Variants in CTNNA1 observed in about 807,000 individuals in gnomAD.
CTNNA1 encodes the protein catenin alpha 1.
CTNNA1 carries 37 observed loss-of-function variants against 98.4 expected under a neutral mutation model. The ratio of observed to expected loss-of-function variants is 0.38; its 90% CI spans 0.29 to 0.49. CTNNA1 has a LOEUF of 0.49. Ranked by LOEUF, CTNNA1 falls within the 20% of genes least tolerant of loss-of-function variation. The pLI is 0.95. For missense variants in CTNNA1, 761 were observed against 1,147.2 expected (o/e 0.66, Z 4.86); for synonymous variants, 404 against 413.2 (o/e 0.98, Z 0.27).
chr5:138,920,651 G>A (rs1561745157), intron 11 of CTNNA1, among the ~76,000 whole-genome samples: 1 of 152,362 alleles, frequency 6.6e-6, no homozygotes, highest in East Asian at 1.9e-4. Flanking sequence ...TTGGTACAGA[G>A]TGAGAGGTTT....
chr5:138,816,570 A>G (rs747745537), intron 5 of CTNNA1, among the ~76,000 whole-genome samples: 1 of 152,082 alleles, frequency 6.6e-6, no homozygotes, highest in Admixed American at 6.6e-5. Context: ...TAGCCATTCT[A>G]ATTAGAATGA....
intron 10 of CTNNA1, 78 bp downstream of exon 10, chr5:138,904,519 A>G: frequency 6.5e-7 from 1 of 1,545,990 alleles, no homozygotes; most frequent in Non-Finnish European, 8.8e-7. Flanking sequence ...TATTTTGTTA[A>G]GTTTTGTTTT....
At chr5:138,932,777 T>C (rs1765646080) in intron 17 of CTNNA1, 65 bp downstream of exon 17, 10 of 1,585,480 alleles carry the variant, frequency 6.3e-6, no homozygotes, top group Non-Finnish European at 7.8e-6. Context: ...GAAATGAAAG[T>C]CACCTCCTAT....
At chr5:138,796,531 G>A (rs1453352280) in intron 3 of CTNNA1, among the ~76,000 whole-genome samples, 1 of 133,448 alleles carries the variant, frequency 7.5e-6, no homozygotes, top group Non-Finnish European at 1.6e-5. Context: ...GCGACTGAGC[G>A]AGACTCCGTC....
At chr5:138,875,714 C>G in intron 7 of CTNNA1, 1 of 985,372 alleles carries the variant, frequency 1.0e-6, no homozygotes. Flanking sequence ...TTATGAAGTG[C>G]TGATTTAACA....
intron 9 of CTNNA1, among the ~76,000 whole-genome samples, chr5:138,898,833 A>G (rs1423484986): frequency 6.6e-6 from 1 of 152,126 alleles, no homozygotes; most frequent in Non-Finnish European, 1.5e-5. Flanking sequence ...TTTATCTTGC[A>G]TGTCTCTTAA....
chr5:138,886,355 TC>T, intron 8 of CTNNA1, 63 bp downstream of exon 8: 1 of 1,503,680 alleles, frequency 6.7e-7, no homozygotes, highest in Non-Finnish European at 9.0e-7. Flanking sequence ...TTGATTAAAA[TC>T]CTAATAAGCA....
chr5:138,770,284 C>T (rs961999644), intron 1 of CTNNA1, among the ~76,000 whole-genome samples: 2 of 152,132 alleles, frequency 1.3e-5, no homozygotes, highest in Non-Finnish European at 2.9e-5. Flanking sequence ...TTAGACTAGT[C>T]ATTCAGTCTC....
chr5:138,935,022 TG>T lies in CTNNA1; in HGVS notation c.*934del, dbSNP rs1289360433. On this transcript the variant is annotated 3_prime_UTR_variant, in exon 18 of 18. Transcript: ENST00000302763. ...TAACTTTTCCCAATAAAGTCCACTATGAAACCACGACATCCAAGAGCCCAAA... is the reference window on the plus strand; with the variant it reads ...TAACTTTTCCCAATAAAGTCCACTATAAACCACGACATCCAAGAGCCCAAA... 3.9e-5 allele frequency: 6 copies of T among 152,366 alleles called. No individual in the cohort carries two copies. The South Asian group carries it at 6.2e-4, about 16-fold the overall frequency. The allele number at this position is 152,366 out of a possible 1,614,324, so 9.4% of individuals were successfully genotyped here.
chr5:138,914,247 T>G (rs2150208494), intron 10 of CTNNA1, among the ~76,000 whole-genome samples: 1 of 152,388 alleles, frequency 6.6e-6, no homozygotes, highest in African/African-American at 2.4e-5. Context: ...TACTTGGCTC[T>G]CTTCGGAAAC....
intron 5 of CTNNA1, among the ~76,000 whole-genome samples, chr5:138,814,751 G>C (rs1759239161): frequency 6.6e-6 from 1 of 151,652 alleles, no homozygotes; most frequent in African/African-American, 2.4e-5. Context: ...TAAATAGATG[G>C]GTTTTTTTTT....
chr5:138,929,004 C>T (rs1309275944), intron 13 of CTNNA1, among the ~76,000 whole-genome samples: 1 of 152,172 alleles, frequency 6.6e-6, no homozygotes, highest in Admixed American at 6.5e-5. Context: ...GCAATTGAGC[C>T]CCACACACAG....
chr5:138,924,253 G>GT (rs1004850587), intron 11 of CTNNA1, among the ~76,000 whole-genome samples: 17 of 148,306 alleles, frequency 1.1e-4, no homozygotes, highest in South Asian at 4.3e-4. Flanking sequence ...CATGTCTCCT[G>GT]TTTTTTTTGT....
At chr5:138,786,187 G>A (rs1234067180) in intron 3 of CTNNA1, among the ~76,000 whole-genome samples, 3 of 151,634 alleles carry the variant, frequency 2.0e-5, no homozygotes, top group Non-Finnish European at 4.4e-5. Context: ...CTTCTCTTTG[G>A]AAAAAAAGAG....
chr5:138,906,245 GT>G (rs1759232684), intron 10 of CTNNA1, among the ~76,000 whole-genome samples: 1 of 152,000 alleles, frequency 6.6e-6, no homozygotes, highest in African/African-American at 2.4e-5. Context: ...CATTTTCCCA[GT>G]GTTAGTCCAG....
intron 1 of CTNNA1, among the ~76,000 whole-genome samples, chr5:138,757,453 A>C (rs1005059514): frequency 2.6e-5 from 4 of 152,300 alleles, no homozygotes; most frequent in African/African-American, 9.6e-5. Flanking sequence ...TGGGCAACAC[A>C]GTGAGACCCT....
chr5:138,791,615 C>CA (rs1181055311), intron 3 of CTNNA1, among the ~76,000 whole-genome samples: 2,081 of 40,242 alleles, frequency 0.052, 583 homozygotes, highest in African/African-American at 0.19. Flanking sequence ...GACTCCGTCT[C>CA]AAAAAAAAAA....
chr5:138,897,294 A>ACCGCCCCCCC (rs1757040441), intron 9 of CTNNA1, among the ~76,000 whole-genome samples: 1 of 16,388 alleles, frequency 6.1e-5, no homozygotes, highest in Admixed American at 9.6e-4. Context: ...CTCACACCGC[A>ACCGCCCCCCC]CCCCCCCCCC....
In CTNNA1 at chr5:138,874,288, G is replaced by A. The variant is rs746671869; in HGVS notation, c.1063-11924G>A. 5 of 1,614,026 alleles carry A rather than the reference G, an allele frequency of 3.1e-6. No homozygotes were observed. Among genetic ancestry groups the A allele is most frequent in the Non-Finnish European group, 4.2e-6 (5 of 1,179,906 alleles). ...CTGTTGAAATTTGATTGTGATCTAAGTGGAGCCAAGTAAGTTGACTGAAGC... is the reference window on the plus strand; with the variant it reads ...CTGTTGAAATTTGATTGTGATCTAAATGGAGCCAAGTAAGTTGACTGAAGC... On this transcript the variant is annotated intron_variant, in intron 7 of 17. Coordinates refer to ENST00000302763, the MANE Select transcript of CTNNA1 (RefSeq NM_001903.5). This position sits in a 1 kb window ranked among gnomAD's most constrained non-coding sequence, Gnocchi z 4.1.
Sources: allele counts gnomAD v4.1 joint callset (sites outside exome capture counted in the v4.1 genomes callset), GRCh38; gene constraint gnomAD v4.1.1; non-coding constraint Gnocchi (gnomAD v3.1); transcripts MANE v1.5; gene names NCBI Gene and HGNC (gene_info 2026-07-23, HGNC 2026-07-21).